Variants in BMPR2 observed in about 807,000 individuals in gnomAD.
BMPR2 encodes the protein bone morphogenetic protein receptor type-2.
In BMPR2, 29 loss-of-function variants were observed where a neutral mutation model predicts 100.8. The observed-to-expected ratio is 0.29, with a 90% CI of 0.21 to 0.39. BMPR2 has a LOEUF of 0.39. Among genes scored for constraint, BMPR2 ranks in the 10% least tolerant of loss-of-function variants. The probability of loss-of-function intolerance (pLI) is 1.00; values close to 1 mark genes in which losing one functional copy is unlikely to be tolerated. For missense variants in BMPR2, 1,011 were observed against 1,274.5 expected (o/e 0.79, Z 3.15); for synonymous variants, 382 against 442.3 (o/e 0.86, Z 1.71).
rs575310190 is a variant in BMPR2 at position 202,394,972 on chromosome 2, G to A, written c.76+17422G>A. Reference sequence around the variant, plus strand: ...GCAATCTCGGCTCACTGCAACCTCCGCCTCCCGGGCAAGCGGTTCTCCTGC... The same window carrying A: ...GCAATCTCGGCTCACTGCAACCTCCACCTCCCGGGCAAGCGGTTCTCCTGC... On this transcript the variant is annotated intron_variant, in intron 1 of 12. Coordinates refer to ENST00000374580, the MANE Select transcript of BMPR2 (RefSeq NM_001204.7). Among the ~76,000 whole-genome samples, 141 of 151,262 alleles carry A rather than the reference G, an allele frequency of 9.3e-4. 1 individual carries two copies. Among genetic ancestry groups the A allele is most frequent in the African/African-American group, 3.2e-3 (132 of 41,182 alleles).
intron 1 of BMPR2, among the ~76,000 whole-genome samples, chr2:202,457,079 A>G (rs1002554675): frequency 1.3e-5 from 2 of 151,960 alleles, no homozygotes; most frequent in Non-Finnish European, 2.9e-5. Context: ...CCCATATACT[A>G]TTGTCTGCCA....
At chr2:202,551,738 C>A (rs1222024025) in intron 10 of BMPR2, among the ~76,000 whole-genome samples, 1 of 152,150 alleles carries the variant, frequency 6.6e-6, no homozygotes, top group Non-Finnish European at 1.5e-5. Flanking sequence ...CTCACTCTGT[C>A]ACCCGGGGAG....
chr2:202,461,293 G>C (rs1389503468), intron 1 of BMPR2, among the ~76,000 whole-genome samples: 1 of 152,112 alleles, frequency 6.6e-6, no homozygotes, highest in Non-Finnish European at 1.5e-5. Context: ...TTTGAGACCA[G>C]CTTGGCCAAC....
intron 1 of BMPR2, among the ~76,000 whole-genome samples, chr2:202,430,445 ATTGTTGAATATGTGGAG>A (rs1280205127): frequency 6.6e-6 from 1 of 152,146 alleles, no homozygotes; most frequent in East Asian, 1.9e-4. Context: ...AATATGTGGA[ATTGTTGAATATGTGGAG>A]TTGTTGAATG....
At chr2:202,514,573 T>C (rs1249437187) in intron 4 of BMPR2, among the ~76,000 whole-genome samples, 1 of 152,218 alleles carries the variant, frequency 6.6e-6, no homozygotes, top group African/African-American at 2.4e-5. Context: ...GAAATCAGCG[T>C]TCATTGATTC....
chr2:202,536,653 A>G (rs1688164565), intron 9 of BMPR2, among the ~76,000 whole-genome samples: 1 of 151,898 alleles, frequency 6.6e-6, no homozygotes, highest in Admixed American at 6.6e-5. Flanking sequence ...CAAGTGTATC[A>G]CCTGAGGTCG....
chr2:202,552,979 A>G (rs921118851), intron 11 of BMPR2, 91 bp downstream of exon 11: 1 of 1,455,816 alleles, frequency 6.9e-7, no homozygotes, highest in East Asian at 2.3e-5. Flanking sequence ...AAACCAGCCT[A>G]ATAGTTCAAT....
intron 3 of BMPR2, 119 bp downstream of exon 3, chr2:202,467,808 C>A: frequency 9.2e-7 from 1 of 1,083,962 alleles, no homozygotes; most frequent in Non-Finnish European, 1.4e-6. Context: ...CCTGTAATGC[C>A]AGCACTTTGG....
chr2:202,496,338 A>G (rs2105986416), intron 3 of BMPR2, among the ~76,000 whole-genome samples: 1 of 152,288 alleles, frequency 6.6e-6, no homozygotes, highest in African/African-American at 2.4e-5. Flanking sequence ...AATAAAAATT[A>G]GCCAGACATG....
rs578037911 is a variant in BMPR2, at chr2:202,503,423, G to A, written c.419-10296G>A. 3.7e-3 allele frequency among the ~76,000 whole-genome samples: 558 copies of A among 152,386 alleles called. 2 individuals are homozygous for A. Among genetic ancestry groups the A allele is most frequent in the Non-Finnish European group, 6.9e-3 (470 of 68,034 alleles). ...GGAACCGGGGCGGCGTGCCGCGCTTGCGGGCCAGCCGGAGTTCCGGTTGGG... is the reference window on the plus strand; with the variant it reads ...GGAACCGGGGCGGCGTGCCGCGCTTACGGGCCAGCCGGAGTTCCGGTTGGG... On this transcript the variant is annotated intron_variant, in intron 3 of 12. Coordinates refer to ENST00000374580, the MANE Select transcript of BMPR2 (RefSeq NM_001204.7). This position sits in a 1 kb window ranked among gnomAD's most constrained non-coding sequence, Gnocchi z 4.0.
chr2:202,495,908 CAT>C lies in BMPR2; in HGVS notation c.419-17810_419-17809del, dbSNP rs1693016592. On this transcript the variant is annotated intron_variant, in intron 3 of 12. Coordinates refer to ENST00000374580, the MANE Select transcript of BMPR2 (RefSeq NM_001204.7). The surrounding 1 kb of genome is among the most constrained non-coding windows in gnomAD (Gnocchi z 4.5). ...CTTCAAAAAACTGTATGAGAAGACT[CAT>C]TATACAGAGTTTTGGAAGTAGGAGG... Among the ~76,000 whole-genome samples, 1 of 152,114 alleles carries C rather than the reference CAT, an allele frequency of 6.6e-6. No homozygotes were observed. The highest frequency in any genetic ancestry group is 1.5e-5 in the Non-Finnish European group (1 of 68,018).
chr2:202,435,376 CATATATATATATATATAT>C (rs141854934), intron 1 of BMPR2, among the ~76,000 whole-genome samples: 19 of 103,428 alleles, frequency 1.8e-4, no homozygotes, highest in Non-Finnish European at 1.5e-4. Context: ...AAAAAAAATA[CATATATATATATATATAT>C]ATATATATAT....
At chr2:202,448,698 C>T (rs376390900) in intron 1 of BMPR2, among the ~76,000 whole-genome samples, 6 of 151,494 alleles carry the variant, frequency 4.0e-5, no homozygotes, top group Non-Finnish European at 7.4e-5. Context: ...CCCCATGATC[C>T]GCCTGCCTCG....
At chr2:202,530,542 G>A (rs1688002682) in intron 7 of BMPR2, among the ~76,000 whole-genome samples, 1 of 151,966 alleles carries the variant, frequency 6.6e-6, no homozygotes, top group Non-Finnish European at 1.5e-5. Context: ...AAAAACAAGT[G>A]CGTGTTAGAA....
At chr2:202,415,031 C>T (rs1665128981) in intron 1 of BMPR2, among the ~76,000 whole-genome samples, 1 of 152,004 alleles carries the variant, frequency 6.6e-6, no homozygotes, top group Non-Finnish European at 1.5e-5. Context: ...CGTGCCCAGC[C>T]CCCTCAGTCT....
chr2:202,496,779 G>A (rs921463228), intron 3 of BMPR2, among the ~76,000 whole-genome samples: 5 of 152,238 alleles, frequency 3.3e-5, no homozygotes, highest in South Asian at 2.1e-4. Flanking sequence ...CGCTCTCAGC[G>A]CCTCCTCTGC....
chr2:202,441,442 C>A (rs1691739637), intron 1 of BMPR2, among the ~76,000 whole-genome samples: 2 of 149,670 alleles, frequency 1.3e-5, no homozygotes, highest in Non-Finnish European at 2.9e-5. Context: ...CGGTGGCTCA[C>A]GCCTGTAATC....
At chr2:202,455,277 A>T (rs1205130043) in intron 1 of BMPR2, among the ~76,000 whole-genome samples, 1 of 152,156 alleles carries the variant, frequency 6.6e-6, no homozygotes, top group Non-Finnish European at 1.5e-5. Context: ...ACTGAGAGTG[A>T]TGGTTCACAC....
chr2:202,394,097 C>A (rs529260312), intron 1 of BMPR2, among the ~76,000 whole-genome samples: 1 of 152,124 alleles, frequency 6.6e-6, no homozygotes, highest in Admixed American at 6.6e-5. Flanking sequence ...TGCCTGTAAT[C>A]CCAGCACTTT....
Sources: gnomAD v4.1 joint callset for allele counts (sites outside exome capture counted in the v4.1 genomes callset) on GRCh38, gnomAD v4.1.1 for gene constraint, Gnocchi (gnomAD v3.1) non-coding constraint, MANE v1.5 for transcripts, NCBI Gene and HGNC (gene_info 2026-07-23, HGNC 2026-07-21) for gene names.